LDLRAD2: variants seen among roughly 807,000 people sequenced by gnomAD.
The protein encoded by LDLRAD2 is low-density lipoprotein receptor class A domain-containing protein 2.
Under a neutral mutation model 24.9 loss-of-function variants are expected in LDLRAD2, and 25 were observed. The ratio of observed to expected loss-of-function variants is 1.00; its 90% CI spans 0.73 to 1.40. The LOEUF (loss-of-function observed/expected upper bound fraction) is 1.40, where lower values mean the gene tolerates loss of function less well. Among genes scored for constraint, LDLRAD2 ranks in the 40% most tolerant of loss-of-function variants. The probability of loss-of-function intolerance (pLI) is 0.00; values close to 1 mark genes in which losing one functional copy is unlikely to be tolerated. For missense variants in LDLRAD2, 391 were observed against 366.2 expected (o/e 1.07, Z -0.55); for synonymous variants, 182 against 166.7 (o/e 1.09, Z -0.71).
chr1:21,817,719 A>G (rs866060145), intron 3 of LDLRAD2, among the ~76,000 whole-genome samples: 5 of 152,114 alleles, frequency 3.3e-5, no homozygotes, highest in African/African-American at 1.2e-4. Flanking sequence ...TATTACTGAC[A>G]TTTTACATTA....
At chr1:21,818,960 G>C (rs2097947262) in intron 3 of LDLRAD2, among the ~76,000 whole-genome samples, 1 of 145,598 alleles carries the variant, frequency 6.9e-6, no homozygotes, top group African/African-American at 2.6e-5. Flanking sequence ...GCTTTGTTCT[G>C]GCCTTTGCAG....
intron 1 of LDLRAD2, among the ~76,000 whole-genome samples, chr1:21,813,107 C>T (rs1184785743): frequency 6.6e-6 from 1 of 152,152 alleles, no homozygotes; most frequent in Non-Finnish European, 1.5e-5. Context: ...CCATCCTGGC[C>T]AACATGGTGA....
rs913847767 is a variant in LDLRAD2 at position 21,821,967 on chromosome 1, G to A, written c.806-235G>A. ...AGGATCAGGGAGGCCATCCCTAGAGGGGCTTCGGGCACATGGGAATGATAC... is the reference window on the plus strand; with the variant it reads ...AGGATCAGGGAGGCCATCCCTAGAGAGGCTTCGGGCACATGGGAATGATAC... On this transcript the variant is annotated intron_variant, in intron 4 of 4. Transcript: ENST00000344642. 8 of 1,424,100 alleles carry A rather than the reference G, an allele frequency of 5.6e-6. No individual in the cohort carries two copies. The East Asian group carries it at 7.5e-5, about 13-fold the overall frequency. 88.2% of individuals were successfully genotyped at this position (1,424,100 alleles called of 1,614,324 possible). A position where few individuals can be genotyped will look rare whatever the true frequency, so the allele number is the denominator to read the frequency against.
intron 3 of LDLRAD2, 96 bp from the exon 4 acceptor site, chr1:21,821,354 A>C: frequency 6.6e-7 from 1 of 1,504,216 alleles, no homozygotes; most frequent in Non-Finnish European, 9.1e-7. Context: ...ACACAGAGTG[A>C]CAAACTCAGG....
chr1:21,819,389 T>C (rs1016489820), intron 3 of LDLRAD2, among the ~76,000 whole-genome samples: 1 of 151,890 alleles, frequency 6.6e-6, no homozygotes, highest in Non-Finnish European at 1.5e-5. Context: ...AAGTTATTAT[T>C]AGTAACTTAT....
At chr1:21,820,522 C>CA (rs11370390) in intron 3 of LDLRAD2, among the ~76,000 whole-genome samples, 10,107 of 69,510 alleles carry the variant, frequency 0.15, 1,135 homozygotes, top group African/African-American at 0.3. Context: ...GACTCCGTCT[C>CA]AAAAAAAAAA....
At chr1:21,821,320 T>G in intron 3 of LDLRAD2, 130 bp from the exon 4 acceptor site, 1 of 1,245,198 alleles carries the variant, frequency 8.0e-7, no homozygotes, top group Non-Finnish European at 1.1e-6. Context: ...ACTCGGCAAG[T>G]GACAACCTCT....
chr1:21,824,376 C>A lies in LDLRAD2; in HGVS notation c.*2161C>A. 1 of 1,613,912 alleles carries A rather than the reference C, an allele frequency of 6.2e-7. No homozygotes were observed. The highest frequency in any genetic ancestry group is 8.5e-7 in the Non-Finnish European group (1 of 1,180,028). ...TTGCCTTGGCCGGCCTCTCCCACCT[C>A]CTGCCAGGGAAGCACAGGGTCTCTG... On this transcript the variant is annotated 3_prime_UTR_variant, in exon 5 of 5. Transcript: ENST00000344642. This position sits in a 1 kb window ranked among gnomAD's most constrained non-coding sequence, Gnocchi z 5.9.
chr1:21,818,838 T>TTTCCTGGCCTCGCCTCTTCC, intron 3 of LDLRAD2, among the ~76,000 whole-genome samples: 1 of 151,530 alleles, frequency 6.6e-6, no homozygotes, highest in South Asian at 2.1e-4. Context: ...CTGCCCCTTC[T>TTTCCTGGCCTCGCCTCTTCC]TTCCTGGCCT....
intron 2 of LDLRAD2, 108 bp from the exon 3 acceptor site, chr1:21,815,835 A>G (rs1290593797): frequency 1.5e-6 from 2 of 1,342,604 alleles, no homozygotes; most frequent in African/African-American, 2.9e-5. Context: ...GCATGAGGGC[A>G]GCTCTCTCCT....
intron 1 of LDLRAD2, among the ~76,000 whole-genome samples, chr1:21,813,833 C>T (rs1022820661): frequency 1.3e-5 from 2 of 151,528 alleles, no homozygotes; most frequent in African/African-American, 4.8e-5. Context: ...CTTTCAAAAG[C>T]AGGAAGAAAA....
chr1:21,817,135 A>G (rs1274899164), intron 3 of LDLRAD2, among the ~76,000 whole-genome samples: 1 of 152,074 alleles, frequency 6.6e-6, no homozygotes, highest in Non-Finnish European at 1.5e-5. Context: ...TAACCAAGCC[A>G]GTGACAAGTC....
chr1:21,812,560 G>A (rs762374191), intron 1 of LDLRAD2, 24 bp downstream of exon 1: 18 of 1,603,984 alleles, frequency 1.1e-5, no homozygotes, highest in Non-Finnish European at 1.5e-5. Flanking sequence ...GGCTTGGTTG[G>A]GGCACCCAGA....
chr1:21,814,634 G>GC lies in LDLRAD2; in HGVS notation c.327dup (p.Gly110ArgfsTer83). Reference sequence around the variant, plus strand: ...CTCCCCGGCCCCGGCCGACCCGTGCGCCCCCGGCTCCTACCTGCAGTTCTA... The same window carrying GC: ...CTCCCCGGCCCCGGCCGACCCGTGCGCCCCCCGGCTCCTACCTGCAGTTCTA... On this transcript the variant is annotated frameshift_variant, in exon 2 of 5. Coordinates refer to ENST00000344642, the MANE Select transcript of LDLRAD2 (RefSeq NM_001013693.3). LOFTEE classifies it high-confidence loss of function. 11 of 1,607,308 alleles carry GC rather than the reference G, an allele frequency of 6.8e-6. No individual in the cohort carries two copies. The highest frequency in any genetic ancestry group is 1.1e-5 in the South Asian group (1 of 90,654).
rs372623125 is a variant in LDLRAD2 at position 21,814,782 on chromosome 1, C to A, written c.470C>A (p.Pro157His). The change falls in exon 2 of 5, where the codon CCC becomes CAC. Residue 157 changes from proline to histidine, a missense_variant. By Grantham distance (77) the Pro-to-His change is moderately conservative. Transcript: ENST00000344642. ...GLRLVTRGRQ[P>H]RVDFVGEVTS... The stretch of plus-strand genomic sequence containing the variant: ...CGCCTGGTCACGAGAGGCCGCCAGC[C>A]CCGCGTGGACTTCGTGGGCGAAGTC... The A allele has an allele frequency of 4.5e-5, 66 of 1,479,286 alleles. No homozygotes were observed. Among genetic ancestry groups the A allele is most frequent in the East Asian group, 3.7e-4 (15 of 40,618 alleles). The allele number at this position is 1,479,286 out of a possible 1,614,324, so 91.6% of individuals were successfully genotyped here.
chr1:21,817,522 G>A (rs1413531150), intron 3 of LDLRAD2, among the ~76,000 whole-genome samples: 1 of 152,000 alleles, frequency 6.6e-6, no homozygotes, highest in African/African-American at 2.4e-5. Flanking sequence ...TGTGTTTTCT[G>A]TAGAGATGAG....
rs1186171380 is a variant in LDLRAD2 at position 21,816,015 on chromosome 1, G to T, written c.584G>T (p.Gly195Val). 1.2e-6 allele frequency: 2 copies of T among 1,613,872 alleles called. No homozygotes were observed. The highest frequency in any genetic ancestry group is 3.3e-5 in the Admixed American group (2 of 60,026). Residue 195 changes from glycine to valine, a missense_variant, in exon 3 of 5, where the codon GGC becomes GTC. By Grantham distance (109) the Gly-to-Val change is moderately radical. Transcript: ENST00000344642. ...IPSSLVCDPW[G>V]MDNCGDGSDQ... ...TCAAGCCTCGTGTGTGACCCCTGGG[G>T]CATGGACAACTGTGGCGATGGCAGT...
chr1:21,817,575 A>G (rs1372065933), intron 3 of LDLRAD2, among the ~76,000 whole-genome samples: 16 of 152,110 alleles, frequency 1.1e-4, no homozygotes, highest in Admixed American at 1.0e-3. Context: ...TCCTGGACTC[A>G]AGATCTTCCC....
intron 3 of LDLRAD2, among the ~76,000 whole-genome samples, chr1:21,820,288 C>T (rs2097949013): frequency 6.6e-6 from 1 of 151,836 alleles, no homozygotes; most frequent in Non-Finnish European, 1.5e-5. Context: ...GTAATCCCAG[C>T]ACTTTGGGAG....
Sources: gnomAD v4.1 joint callset for allele counts (sites outside exome capture counted in the v4.1 genomes callset) on GRCh38, gnomAD v4.1.1 for gene constraint, Gnocchi (gnomAD v3.1) non-coding constraint, MANE v1.5 for transcripts, NCBI Gene and HGNC (gene_info 2026-07-23, HGNC 2026-07-21) for gene names.